The following MTCL1 variants were observed in gnomAD, a reference collection of about 807,000 sequenced individuals.
The protein encoded by MTCL1 is microtubule cross-linking factor 1.
In MTCL1, 79 loss-of-function variants were observed where a neutral mutation model predicts 141.4. The ratio of observed to expected loss-of-function variants is 0.56; its 90% CI spans 0.47 to 0.67. The LOEUF is 0.67. Ranked by LOEUF, MTCL1 falls within the 30% of genes least tolerant of loss-of-function variation. The pLI is 0.00. For missense variants in MTCL1, 2,177 were observed against 2,113.9 expected (o/e 1.03, Z -0.59); for synonymous variants, 914 against 875.8 (o/e 1.04, Z -0.77).
At chr18:8,777,755 C>T (rs1451149778) in intron 4 of MTCL1, 78 bp from the exon 4 acceptor site, 1 of 1,261,804 alleles carries the variant, frequency 7.9e-7, no homozygotes, top group Non-Finnish European at 1.2e-6. Context: ...GTGTCCCCAC[C>T]CATGGGGACG....
At position 8,786,004 on chromosome 18, in the gene MTCL1, C is replaced by T. The variant is rs201694316; in HGVS notation, c.1800C>T (p.Arg600=). ...GAGGGGACGAGCGGGAGAGCCTGCGCCTCCGAGCCGCGCGGGAGCTGCACC... is the reference window on the plus strand; with the variant it reads ...GAGGGGACGAGCGGGAGAGCCTGCGTCTCCGAGCCGCGCGGGAGCTGCACC... Residue 600 remains arginine, a synonymous_variant, in exon 7 of 17, where the codon CGC becomes CGT. Transcript: ENST00000359865. 1.0e-4 allele frequency: 164 copies of T among 1,607,490 alleles called. 1 individual carries two copies. In the East Asian group the frequency reaches 3.5e-3, roughly 34 times the overall value.
chr18:8,741,001 T>G (rs1227763847), intron 4 of MTCL1, among the ~76,000 whole-genome samples: 1 of 152,240 alleles, frequency 6.6e-6, no homozygotes, highest in Non-Finnish European at 1.5e-5. Flanking sequence ...GACTCTGTGT[T>G]CTTTCCACAA....
Position 8,825,873 on chromosome 18 carries a change from G to A in MTCL1, c.4363G>A (p.Val1455Met), listed in dbSNP as rs765087706. ...CTTCAACATCATTGACCACAGCCCCGTGGTGCAGGACCCCTTCCAGAAGGG... is the reference window on the plus strand; with the variant it reads ...CTTCAACATCATTGACCACAGCCCCATGGTGCAGGACCCCTTCCAGAAGGG... Residue 1455 changes from valine to methionine, a missense_variant, in exon 15 of 17, where the codon GTG becomes ATG. Physicochemically the swap from Val to Met is conservative, Grantham distance 21. Transcript: ENST00000359865. The A allele has an allele frequency of 2.7e-5, 43 of 1,613,960 alleles. No homozygotes were observed. Among genetic ancestry groups the A allele is most frequent in the Middle Eastern group, 1.6e-4 (1 of 6,084 alleles).
At chr18:8,824,343 T>G (rs920233978) in intron 14 of MTCL1, among the ~76,000 whole-genome samples, 5 of 152,254 alleles carry the variant, frequency 3.3e-5, no homozygotes, top group South Asian at 2.1e-4. Context: ...GTCTTCACCC[T>G]TCAGCTGTGG....
chr18:8,785,963 C>T lies in MTCL1; in HGVS notation c.1759C>T (p.Gln587Ter). 1 of 1,597,646 alleles carries T rather than the reference C, an allele frequency of 6.3e-7. No homozygotes were observed. The highest frequency in any genetic ancestry group is 8.5e-7 in the Non-Finnish European group (1 of 1,173,318). ...CAGACTGAAAGAGCAGCTGGAGTGG[C>T]AGCTCGGGCCGGCCCGAGGGGACGA... The change falls in exon 7 of 17, where the codon CAG becomes TAG. Residue 587 changes from glutamine to a stop codon, truncating the protein, a stop_gained. Coordinates refer to ENST00000359865, the Ensembl canonical transcript of MTCL1. LOFTEE classifies it high-confidence loss of function.
chr18:8,779,850 C>T lies in MTCL1; in HGVS notation c.417+1958C>T, dbSNP rs544289126. On this transcript the variant is annotated intron_variant, in intron 5 of 16. Transcript: ENST00000359865. The surrounding 1 kb of genome is among the most constrained non-coding windows in gnomAD (Gnocchi z 4.1). ...ATTTTATCAATCCTCAGGTAATCTA[C>T]AAATTGACCCTTGTTAGAGTATGTC... Among the ~76,000 whole-genome samples the T allele has an allele frequency of 6.6e-6, 1 of 152,150 alleles. No homozygotes were observed. The highest frequency in any genetic ancestry group is 1.9e-4 in the East Asian group (1 of 5,188).
chr18:8,829,295 G>A, intron 16 of MTCL1: 1 of 985,434 alleles, frequency 1.0e-6, no homozygotes, highest in Non-Finnish European at 1.2e-6. Flanking sequence ...CTAGGCACAG[G>A]GGTCTTGCCT....
At chr18:8,805,779 G>T (rs2076278985) in intron 10 of MTCL1, among the ~76,000 whole-genome samples, 1 of 152,170 alleles carries the variant, frequency 6.6e-6, no homozygotes, top group South Asian at 2.1e-4. Flanking sequence ...AAAAAAGAAT[G>T]CCCTGAGACC....
At chr18:8,821,362 T>G (rs776597024) in intron 13 of MTCL1, 105 bp from the exon 13 acceptor site, 8 of 712,286 alleles carry the variant, frequency 1.1e-5, no homozygotes, top group Non-Finnish European at 2.0e-5. Context: ...ACATTTTAAA[T>G]GGTGGTTTCC....
chr18:8,714,559 C>T (rs1419339993), upstream of MTCL1, among the ~76,000 whole-genome samples: 2 of 152,116 alleles, frequency 1.3e-5, no homozygotes, highest in African/African-American at 4.8e-5. Context: ...AGCAAAGACA[C>T]ATATTACATG....
At chr18:8,819,416 A>G (rs2076768508) in intron 13 of MTCL1, among the ~76,000 whole-genome samples, 157 bp downstream of exon 12, 1 of 152,128 alleles carries the variant, frequency 6.6e-6, no homozygotes, top group Non-Finnish European at 1.5e-5. Context: ...TCACAACACC[A>G]AGGGTTTTGC....
intron 4 of MTCL1, among the ~76,000 whole-genome samples, chr18:8,745,638 C>T (rs926321027): frequency 6.6e-6 from 1 of 152,172 alleles, no homozygotes; most frequent in Non-Finnish European, 1.5e-5. Context: ...TGCCCACGTG[C>T]AGCAAGTTCT....
intron 4 of MTCL1, among the ~76,000 whole-genome samples, chr18:8,750,233 A>G (rs2148949491): frequency 6.6e-6 from 1 of 151,964 alleles, no homozygotes; most frequent in African/African-American, 2.4e-5. Flanking sequence ...TTTAGTAGAG[A>G]CAGGGTTTCA....
At position 8,786,029 on chromosome 18, in the gene MTCL1, C is replaced by T. The variant is rs201167430; in HGVS notation, c.1825C>T (p.Arg609Cys). ...CCTCCGAGCCGCGCGGGAGCTGCAC[C>T]GCCGCGCAGACGGGGACACCGGGAG... The change falls in exon 7 of 17, where the codon CGC becomes TGC. Residue 609 changes from arginine (R) to cysteine (C), a missense_variant. Physicochemically the swap from Arg to Cys is radical, Grantham distance 180. Transcript: ENST00000359865. The T allele has an allele frequency of 5.3e-4, 848 of 1,607,002 alleles. 6 individuals carry two copies. The African/African-American group carries it at 1.0e-2, about 19-fold the overall frequency.
At chr18:8,785,545 ACCCACAAGT>A (rs2096549806) in intron 6 of MTCL1, 1 of 233,508 alleles carries the variant, frequency 4.3e-6, no homozygotes, top group Admixed American at 5.2e-5. Context: ...TGGCTGCTCG[ACCCACAAGT>A]AAGGAAGGAA....
At chr18:8,747,800 GA>G (rs1413161569) in intron 4 of MTCL1, among the ~76,000 whole-genome samples, 1 of 152,186 alleles carries the variant, frequency 6.6e-6, no homozygotes, top group African/African-American at 2.4e-5. Context: ...GCGAGGACAG[GA>G]TCAGTGGGCT....
At chr18:8,820,068 CGTTA>C in intron 13 of MTCL1, among the ~76,000 whole-genome samples, 1 of 152,026 alleles carries the variant, frequency 6.6e-6, no homozygotes. Context: ...CATGGCACAG[CGTTA>C]GTTATGTTTT....
At chr18:8,809,605 G>T in intron 11 of MTCL1, 1 of 1,535,036 alleles carries the variant, frequency 6.5e-7, no homozygotes, top group Non-Finnish European at 8.7e-7. Context: ...AGTGGAGAAG[G>T]AGTGGAGGGC....
At chr18:8,752,619 ACT>A (rs2096377520) in intron 4 of MTCL1, among the ~76,000 whole-genome samples, 2 of 152,238 alleles carry the variant, frequency 1.3e-5, no homozygotes, top group African/African-American at 4.8e-5. Context: ...TTGGGGGGTA[ACT>A]ATTTAAAAAT....
Sources: allele counts gnomAD v4.1 joint callset (sites outside exome capture counted in the v4.1 genomes callset), GRCh38; gene constraint gnomAD v4.1.1; non-coding constraint Gnocchi (gnomAD v3.1); transcripts MANE v1.5; gene names NCBI Gene and HGNC (gene_info 2026-07-23, HGNC 2026-07-21).